SIMC1: variants seen among roughly 807,000 people sequenced by gnomAD.
The protein encoded by SIMC1 is SUMO-interacting motif-containing protein 1.
In SIMC1, 55 loss-of-function variants were observed where a neutral mutation model predicts 82.3. That is an observed-to-expected ratio of 0.67 (90% CI 0.54 to 0.84). SIMC1 has a LOEUF of 0.84. SIMC1 is among the 40% of genes least tolerant of loss of function. SIMC1 has a pLI of 0.00. For synonymous variants in SIMC1, 353 were observed against 426.3 expected (o/e 0.83, Z 2.12); for missense variants, 915 against 1,107.2 (o/e 0.83, Z 2.46).
Position 176,345,340 on chromosome 5 carries a change from C to A in SIMC1, c.2571C>A (p.Val857=). 1 of 1,613,950 alleles carries A rather than the reference C, an allele frequency of 6.2e-7. No individual in the cohort carries two copies. The highest frequency in any genetic ancestry group is 1.1e-5 in the South Asian group (1 of 91,078). Residue 857 remains valine (V), a synonymous_variant, in exon 10 of 10, where the codon GTC becomes GTA. Coordinates refer to ENST00000429602, the MANE Select transcript of SIMC1 (RefSeq NM_001308195.2). ...RLIQMLGEPL[V]PQLQDKVHLL... is the part of the protein sequence containing the mutation. ...TCCAGATGCTGGGGGAGCCTCTTGTCCCCCAACTCCAAGACAAAGTGCACT... is the reference window on the plus strand; with the variant it reads ...TCCAGATGCTGGGGGAGCCTCTTGTACCCCAACTCCAAGACAAAGTGCACT...
intron 9 of SIMC1, among the ~76,000 whole-genome samples, chr5:176,341,860 T>C (rs556236050): frequency 2.0e-5 from 3 of 152,260 alleles, no homozygotes; most frequent in South Asian, 4.1e-4. Flanking sequence ...GCATTATGGC[T>C]CAAACCCTTT....
chr5:176,309,079 TGAA>T, intron 4 of SIMC1: 2 of 704,412 alleles, frequency 2.8e-6, no homozygotes, highest in South Asian at 1.7e-5. Flanking sequence ...AAATCAATTT[TGAA>T]GAAGAAAAAC....
chr5:176,291,843 A>G (rs1326762330), intron 2 of SIMC1, among the ~76,000 whole-genome samples: 3 of 152,188 alleles, frequency 2.0e-5, no homozygotes, highest in Non-Finnish European at 4.4e-5. Flanking sequence ...CATACCTCAC[A>G]GGGTCATACG....
chr5:176,277,067 G>A (rs1018208420), intron 1 of SIMC1, among the ~76,000 whole-genome samples: 22 of 151,700 alleles, frequency 1.5e-4, no homozygotes, highest in Non-Finnish European at 2.2e-4. Context: ...CCCACCAACA[G>A]TGTAAAAGTG....
In SIMC1 at chr5:176,277,090, C is replaced by T. The variant is rs1192249307; in HGVS notation, c.130-12564C>T. ...CAGTGTAAAAGTGTTCCTGTTTCTC[C>T]ACATCCTCTCCAGCACCTGTCGTTT... On this transcript the variant is annotated intron_variant, in intron 1 of 9. Coordinates refer to ENST00000429602, the MANE Select transcript of SIMC1 (RefSeq NM_001308195.2). Among the ~76,000 whole-genome samples the T allele has an allele frequency of 3.9e-5, 6 of 151,968 alleles. No individual in the cohort carries two copies. The South Asian group carries it at 1.0e-3, about 26-fold the overall frequency.
intron 4 of SIMC1, chr5:176,308,096 G>T: frequency 1.3e-6 from 1 of 777,666 alleles, no homozygotes; most frequent in Non-Finnish European, 2.3e-6. Flanking sequence ...GGTGCAGGCA[G>T]TTCATCTAGA....
At chr5:176,329,461 A>G (rs1765537206) in intron 7 of SIMC1, among the ~76,000 whole-genome samples, 1 of 149,400 alleles carries the variant, frequency 6.7e-6, no homozygotes, top group South Asian at 2.1e-4. Flanking sequence ...TGGGCGAAAG[A>G]GTCCAGCCTG....
intron 4 of SIMC1, among the ~76,000 whole-genome samples, chr5:176,305,928 A>G (rs1379644785): frequency 4.3e-5 from 3 of 69,600 alleles, no homozygotes; most frequent in African/African-American, 1.8e-4. Context: ...GGCCGCCCCT[A>G]CTGGGAAGTG....
intron 1 of SIMC1, among the ~76,000 whole-genome samples, chr5:176,277,099 T>C (rs1288420008): frequency 6.6e-6 from 1 of 152,024 alleles, no homozygotes; most frequent in South Asian, 2.1e-4. Context: ...CCACATCCTC[T>C]CCAGCACCTG....
chr5:176,249,151 T>C (rs1419607054), intron 1 of SIMC1, among the ~76,000 whole-genome samples: 7 of 152,132 alleles, frequency 4.6e-5, no homozygotes, highest in Non-Finnish European at 8.8e-5. Flanking sequence ...CATTTTCTAT[T>C]GTTTGGAATC....
intron 9 of SIMC1, among the ~76,000 whole-genome samples, chr5:176,340,838 G>A (rs1215488873): frequency 1.3e-5 from 2 of 152,222 alleles, no homozygotes; most frequent in Non-Finnish European, 2.9e-5. Flanking sequence ...CCCTGAAGAA[G>A]TGATACCTCA....
At chr5:176,313,093 T>C (rs976000906) in intron 4 of SIMC1, 1 of 214,442 alleles carries the variant, frequency 4.7e-6, no homozygotes, top group Non-Finnish European at 9.2e-6. Flanking sequence ...TCATTTCACC[T>C]GTAACAGAAT....
intron 9 of SIMC1, among the ~76,000 whole-genome samples, chr5:176,342,325 A>G (rs1403192958): frequency 6.6e-6 from 1 of 152,112 alleles, no homozygotes; most frequent in Non-Finnish European, 1.5e-5. Flanking sequence ...ACTCCACATT[A>G]TAATGTGGCC....
chr5:176,305,633 C>T (rs1764308813), intron 4 of SIMC1, among the ~76,000 whole-genome samples: 2 of 135,864 alleles, frequency 1.5e-5, no homozygotes, highest in South Asian at 4.6e-4. Flanking sequence ...GTGAGGGGCG[C>T]CTCTGCCCGG....
At chr5:176,292,240 G>T (rs1341681059) in intron 2 of SIMC1, among the ~76,000 whole-genome samples, 3 of 152,050 alleles carry the variant, frequency 2.0e-5, no homozygotes, top group Non-Finnish European at 2.9e-5. Context: ...CTTTCCATTG[G>T]TCATCATTGA....
chr5:176,328,590 A>G (rs1765493736), intron 7 of SIMC1, among the ~76,000 whole-genome samples: 1 of 152,206 alleles, frequency 6.6e-6, no homozygotes, highest in African/African-American at 2.4e-5. Flanking sequence ...TAGGATACAA[A>G]TAACTCTCAC....
intron 1 of SIMC1, among the ~76,000 whole-genome samples, chr5:176,249,668 G>A (rs1230954547): frequency 3.3e-5 from 5 of 151,642 alleles, no homozygotes; most frequent in Admixed American, 6.6e-5. Flanking sequence ...GTGAAACCCC[G>A]TCTCTACTAA....
chr5:176,266,025 C>T (rs1322636315), intron 1 of SIMC1, among the ~76,000 whole-genome samples: 1 of 152,056 alleles, frequency 6.6e-6, no homozygotes, highest in African/African-American at 2.4e-5. Flanking sequence ...GAGCAACTGA[C>T]TCTCTCCAAA....
At chr5:176,291,630 C>T (rs1057220512) in intron 2 of SIMC1, among the ~76,000 whole-genome samples, 1 of 152,030 alleles carries the variant, frequency 6.6e-6, no homozygotes, top group Non-Finnish European at 1.5e-5. Context: ...GCCACCGCGC[C>T]TGGCACGCCC....
Sources: gnomAD v4.1 joint callset for allele counts (sites outside exome capture counted in the v4.1 genomes callset) on GRCh38, gnomAD v4.1.1 for gene constraint, MANE v1.5 for transcripts, NCBI Gene and HGNC (gene_info 2026-07-23, HGNC 2026-07-21) for gene names.